STEAP1B: variants seen among roughly 807,000 people sequenced by gnomAD.
STEAP1B encodes the protein STEAP family protein MGC87042.
In STEAP1B, 13 loss-of-function variants were observed where a neutral mutation model predicts 27.9. That is an observed-to-expected ratio of 0.47 (90% CI 0.30 to 0.74). The LOEUF is 0.74. Ranked by LOEUF, STEAP1B falls within the 30% of genes least tolerant of loss-of-function variation. The pLI, the probability that STEAP1B is intolerant of heterozygous loss-of-function variation, is 0.06. For missense variants in STEAP1B, 250 were observed against 298.7 expected, an observed-to-expected ratio of 0.84 and a Z score of 1.20; for synonymous variants, 86 against 107.1, an observed-to-expected ratio of 0.80 and a Z score of 1.22.
intron 4 of STEAP1B, among the ~76,000 whole-genome samples, chr7:22,425,686 A>G (rs1785096720): frequency 1.3e-5 from 2 of 152,214 alleles, no homozygotes; most frequent in Non-Finnish European, 2.9e-5. Flanking sequence ...CAAGGTACCA[A>G]TGTTTATATT....
intron 4 of STEAP1B, among the ~76,000 whole-genome samples, chr7:22,490,091 T>C (rs931850920): frequency 1.4e-4 from 21 of 152,330 alleles, no homozygotes; most frequent in African/African-American, 5.1e-4. Flanking sequence ...ATGTTTTCTA[T>C]CTTTTTGAAA....
At chr7:22,476,027 C>T (rs1290326882) in intron 4 of STEAP1B, among the ~76,000 whole-genome samples, 1 of 152,144 alleles carries the variant, frequency 6.6e-6, no homozygotes, top group Non-Finnish European at 1.5e-5. Flanking sequence ...GAACCTGGTG[C>T]CACCCCCAAT....
chr7:22,421,800 C>G (rs1214842723), intron 4 of STEAP1B, among the ~76,000 whole-genome samples: 1 of 152,184 alleles, frequency 6.6e-6, no homozygotes, highest in African/African-American at 2.4e-5. Context: ...CAGATTAACA[C>G]ATGGTGCCAA....
chr7:22,494,429 C>CTTT (rs5882846), intron 2 of STEAP1B, among the ~76,000 whole-genome samples: 2 of 145,816 alleles, frequency 1.4e-5, no homozygotes, highest in African/African-American at 2.5e-5. Context: ...GCATTGATGA[C>CTTT]TTTTTTTTTT....
At chr7:22,430,327 A>C (rs2128399847) in intron 4 of STEAP1B, among the ~76,000 whole-genome samples, 1 of 152,344 alleles carries the variant, frequency 6.6e-6, no homozygotes, top group South Asian at 2.1e-4. Flanking sequence ...CTTGCATTGT[A>C]CCAGACATAT....
chr7:22,473,699 AT>A (rs1383612744), intron 4 of STEAP1B, among the ~76,000 whole-genome samples: 1 of 152,120 alleles, frequency 6.6e-6, no homozygotes, highest in Non-Finnish European at 1.5e-5. Context: ...AAGATGGTAT[AT>A]TTTTGCTCCA....
intron 4 of STEAP1B, among the ~76,000 whole-genome samples, chr7:22,472,354 AGG>A (rs1247428199): frequency 6.6e-6 from 1 of 152,206 alleles, no homozygotes; most frequent in African/African-American, 2.4e-5. Context: ...GCCCCACAGA[AGG>A]GTGAAGGCAG....
At chr7:22,467,756 T>C (rs899402916) in intron 4 of STEAP1B, among the ~76,000 whole-genome samples, 28 of 152,182 alleles carry the variant, frequency 1.8e-4, no homozygotes, top group Admixed American at 5.2e-4. Context: ...ACTGTGAGTC[T>C]ATTAAACCTC....
At chr7:22,469,943 T>A (rs1785852558) in intron 4 of STEAP1B, among the ~76,000 whole-genome samples, 1 of 152,038 alleles carries the variant, frequency 6.6e-6, no homozygotes, top group South Asian at 2.1e-4. Context: ...GACTCATGTT[T>A]AAAAAAAAGA....
At chr7:22,460,963 T>C (rs933043979) in intron 4 of STEAP1B, among the ~76,000 whole-genome samples, 1 of 152,198 alleles carries the variant, frequency 6.6e-6, no homozygotes, top group African/African-American at 2.4e-5. Flanking sequence ...ACAGAGCGTA[T>C]GTTAAAGGGT....
At chr7:22,452,804 G>T (rs935670142) in intron 4 of STEAP1B, among the ~76,000 whole-genome samples, 4 of 152,104 alleles carry the variant, frequency 2.6e-5, no homozygotes, top group Non-Finnish European at 4.4e-5. Flanking sequence ...CAAGCACAGG[G>T]AGCCCGTTTT....
chr7:22,465,080 T>A (rs1481091876), intron 4 of STEAP1B, among the ~76,000 whole-genome samples: 1 of 151,074 alleles, frequency 6.6e-6, no homozygotes, highest in Non-Finnish European at 1.5e-5. Context: ...ATAAAAGGGT[T>A]ACCTGAACAC....
intron 4 of STEAP1B, among the ~76,000 whole-genome samples, chr7:22,446,646 A>C (rs1449702417): frequency 6.6e-6 from 1 of 152,248 alleles, no homozygotes; most frequent in Non-Finnish European, 1.5e-5. Context: ...TATGAATGCT[A>C]ATCTCACTTC....
intron 4 of STEAP1B, among the ~76,000 whole-genome samples, chr7:22,430,077 T>C (rs1211520078): frequency 6.6e-6 from 1 of 152,240 alleles, no homozygotes; most frequent in Non-Finnish European, 1.5e-5. Context: ...CTTCTTAAAC[T>C]GGTTGTGGAT....
At chr7:22,426,405 TG>T (rs1785107846) in intron 4 of STEAP1B, among the ~76,000 whole-genome samples, 1 of 152,212 alleles carries the variant, frequency 6.6e-6, no homozygotes, top group African/African-American at 2.4e-5. Flanking sequence ...AAGGTAGCCC[TG>T]GGAACACTTG....
At chr7:22,463,690 A>C (rs1183072305) in intron 4 of STEAP1B, among the ~76,000 whole-genome samples, 1 of 152,172 alleles carries the variant, frequency 6.6e-6, no homozygotes. Flanking sequence ...AACCTGAGAA[A>C]AACAAGCAAT....
chr7:22,449,910 C>G (rs1785460880), intron 4 of STEAP1B, among the ~76,000 whole-genome samples: 1 of 152,134 alleles, frequency 6.6e-6, no homozygotes. Flanking sequence ...TGTCGAGCAC[C>G]TTTTCATATG....
chr7:22,468,992 T>C (rs73083186), intron 4 of STEAP1B, among the ~76,000 whole-genome samples: 13,679 of 152,142 alleles, frequency 0.09, 708 homozygotes, highest in Non-Finnish European at 0.12. Flanking sequence ...TATTTTACAG[T>C]TTTTTTTAAA....
intron 4 of STEAP1B, among the ~76,000 whole-genome samples, chr7:22,451,541 G>A (rs1785489542): frequency 6.6e-6 from 1 of 152,242 alleles, no homozygotes; most frequent in South Asian, 2.1e-4. Flanking sequence ...GGTCTGTCAC[G>A]TGGCTTTTTT....
Sources: gnomAD v4.1 joint callset for allele counts (sites outside exome capture counted in the v4.1 genomes callset) on GRCh38, gnomAD v4.1.1 for gene constraint, MANE v1.5 for transcripts, NCBI Gene and HGNC (gene_info 2026-07-23, HGNC 2026-07-21) for gene names.